The following GRIK2 variants were observed in gnomAD, a reference collection of about 807,000 sequenced individuals.
GRIK2 encodes glutamate receptor ionotropic, kainate 2.
A neutral mutation model predicts 100.3 loss-of-function variants in GRIK2; 32 were observed. The observed-to-expected ratio is 0.32, with a 90% CI of 0.24 to 0.43. The LOEUF (loss-of-function observed/expected upper bound fraction) is 0.43, where lower values mean the gene tolerates loss of function less well. Ranked by LOEUF, GRIK2 falls within the 20% of genes least tolerant of loss-of-function variation. GRIK2 has a pLI of 1.00. For missense variants in GRIK2, 843 were observed against 1,114.9 expected (o/e 0.76, Z 3.47); for synonymous variants, 417 against 389.4 (o/e 1.07, Z -0.83).
At chr6:101,787,553 TGACCTAATG>T (rs1287455890) in intron 7 of GRIK2, among the ~76,000 whole-genome samples, 1 of 152,202 alleles carries the variant, frequency 6.6e-6, no homozygotes, top group Non-Finnish European at 1.5e-5. Context: ...ATTTACTCCA[TGACCTAATG>T]GTCATTCAAG....
intron 2 of GRIK2, among the ~76,000 whole-genome samples, chr6:101,478,074 T>G (rs1355744323): frequency 2.6e-5 from 4 of 152,166 alleles, no homozygotes; most frequent in Admixed American, 2.6e-4. Context: ...CCAATTACCT[T>G]TACCAAAAAG....
chr6:101,651,664 A>G (rs922283205), intron 4 of GRIK2, among the ~76,000 whole-genome samples: 1 of 152,116 alleles, frequency 6.6e-6, no homozygotes, highest in African/African-American at 2.4e-5. Context: ...CAGGCAAAGG[A>G]TATACATTAA....
chr6:101,946,735 C>T (rs1791302912), intron 14 of GRIK2, among the ~76,000 whole-genome samples: 1 of 152,082 alleles, frequency 6.6e-6, no homozygotes, highest in South Asian at 2.1e-4. Context: ...AATTCTACTG[C>T]TCAAAGGACT....
At chr6:101,520,124 A>G (rs113718250) in intron 2 of GRIK2, among the ~76,000 whole-genome samples, 3,172 of 151,928 alleles carry the variant, frequency 0.021, 112 homozygotes, top group African/African-American at 0.071. Flanking sequence ...AATAAACTGT[A>G]AATAATGATA....
intron 4 of GRIK2, among the ~76,000 whole-genome samples, chr6:101,639,815 C>A (rs1308867647): frequency 2.0e-5 from 3 of 152,144 alleles, no homozygotes; most frequent in Admixed American, 1.3e-4. Context: ...TTCCAGAGTT[C>A]TTCCAAGTTA....
chr6:101,874,182 C>T (rs888062140), intron 11 of GRIK2, among the ~76,000 whole-genome samples: 62 of 152,174 alleles, frequency 4.1e-4, no homozygotes, highest in African/African-American at 1.3e-3. Flanking sequence ...ATGCCTATGT[C>T]CTGAATGGTA....
intron 4 of GRIK2, among the ~76,000 whole-genome samples, chr6:101,670,437 G>C (rs566743563): frequency 3.3e-5 from 5 of 152,168 alleles, no homozygotes; most frequent in African/African-American, 1.2e-4. Flanking sequence ...AGTGTGAAGA[G>C]AATAAGTAAA....
At chr6:101,669,153 C>G (rs971890695) in intron 4 of GRIK2, among the ~76,000 whole-genome samples, 2 of 152,028 alleles carry the variant, frequency 1.3e-5, no homozygotes, top group Non-Finnish European at 1.5e-5. Context: ...TTGTTTTTTA[C>G]TATCATTACA....
intron 15 of GRIK2, among the ~76,000 whole-genome samples, chr6:102,050,648 T>TAAA (rs146553452): frequency 4.6e-5 from 2 of 43,304 alleles, no homozygotes; most frequent in Admixed American, 2.6e-4. Flanking sequence ...AAACTCGGTC[T>TAAA]AAAAAAAAAA....
chr6:101,588,460 CA>C (rs34194074), intron 2 of GRIK2, among the ~76,000 whole-genome samples: 152,045 of 152,046 alleles, frequency 1, 76,022 homozygotes, highest in Middle Eastern at 1. Context: ...ATGTTCATAT[CA>C]AAAAGCCACA....
chr6:101,629,379 T>TG (rs1333664741), intron 4 of GRIK2, among the ~76,000 whole-genome samples: 2 of 152,088 alleles, frequency 1.3e-5, no homozygotes, highest in East Asian at 3.9e-4. Flanking sequence ...TTTAATTCAA[T>TG]GAATTTTGAT....
At chr6:101,968,323 A>G (rs542910334) in intron 14 of GRIK2, among the ~76,000 whole-genome samples, 1 of 152,206 alleles carries the variant, frequency 6.6e-6, no homozygotes, top group Non-Finnish European at 1.5e-5. Flanking sequence ...GTGATAAAAT[A>G]AGATGTTTAG....
At chr6:101,793,497 C>T (rs1780045106) in intron 7 of GRIK2, among the ~76,000 whole-genome samples, 2 of 152,298 alleles carry the variant, frequency 1.3e-5, no homozygotes, top group African/African-American at 4.8e-5. Flanking sequence ...GCCTGGGTAT[C>T]AGCAGCAGTG....
intron 2 of GRIK2, among the ~76,000 whole-genome samples, chr6:101,468,790 T>G (rs575653592): frequency 6.6e-6 from 1 of 152,276 alleles, no homozygotes; most frequent in African/African-American, 2.4e-5. Context: ...ACTTAAAATC[T>G]AATCAAGAGA....
intron 2 of GRIK2, among the ~76,000 whole-genome samples, chr6:101,573,906 T>C (rs1321674252): frequency 5.3e-5 from 8 of 152,102 alleles, no homozygotes; most frequent in African/African-American, 2.4e-5. Context: ...AATTTTCCTT[T>C]AATTTATAAA....
chr6:101,906,458 G>T (rs1788237632), intron 12 of GRIK2, among the ~76,000 whole-genome samples: 1 of 150,820 alleles, frequency 6.6e-6, no homozygotes, highest in Admixed American at 6.7e-5. Context: ...CCAAATTTTT[G>T]AGTATGCTCT....
intron 7 of GRIK2, among the ~76,000 whole-genome samples, chr6:101,781,341 A>G (rs1314383050): frequency 6.6e-6 from 1 of 152,188 alleles, no homozygotes; most frequent in African/African-American, 2.4e-5. Flanking sequence ...ATTCCTGTCC[A>G]TACTTGATGA....
intron 12 of GRIK2, among the ~76,000 whole-genome samples, chr6:101,922,724 T>C (rs774537537): frequency 2.0e-5 from 3 of 152,140 alleles, no homozygotes; most frequent in Non-Finnish European, 4.4e-5. Context: ...GGGATGGAGA[T>C]GGGTGCTCTA....
At chr6:101,693,731 A>G (rs1772272997) in intron 7 of GRIK2, among the ~76,000 whole-genome samples, 1 of 151,970 alleles carries the variant, frequency 6.6e-6, no homozygotes, top group Non-Finnish European at 1.5e-5. Flanking sequence ...ATAAAAATAA[A>G]AAATTATATA....
Sources: allele counts gnomAD v4.1 joint callset (sites outside exome capture counted in the v4.1 genomes callset), GRCh38; gene constraint gnomAD v4.1.1; transcripts MANE v1.5; gene names NCBI Gene and HGNC (gene_info 2026-07-23, HGNC 2026-07-21).